Variants in AKR1B15 observed in about 807,000 individuals in gnomAD.
AKR1B15 encodes aldo-keto reductase family 1 member B15.
A neutral mutation model predicts 38.5 loss-of-function variants in AKR1B15; 49 were observed. The ratio of observed to expected loss-of-function variants is 1.27; its 90% CI spans 1.01 to 1.62. AKR1B15 has a LOEUF of 1.62. Ranked by LOEUF, AKR1B15 falls within the 40% of genes most tolerant of loss-of-function variation. AKR1B15 has a pLI of 0.00. For synonymous variants in AKR1B15, 137 were observed against 135.5 expected, an observed-to-expected ratio of 1.01 and a Z score of -0.08; for missense variants, 411 against 381.6, an observed-to-expected ratio of 1.08 and a Z score of -0.64.
At chr7:134,569,610 A>C in intron 5 of AKR1B15, 81 bp downstream of exon 5, 1 of 1,389,734 alleles carries the variant, frequency 7.2e-7, no homozygotes, top group Non-Finnish European at 1.0e-6. Context: ...AGACTGGCTG[A>C]AGCCATGGCA....
At chr7:134,560,769 A>G (rs1015716469) in intron 2 of AKR1B15, among the ~76,000 whole-genome samples, 4 of 152,198 alleles carry the variant, frequency 2.6e-5, no homozygotes, top group African/African-American at 9.6e-5. Flanking sequence ...AACCAAAAGT[A>G]CCACGAAAGA....
At chr7:134,560,895 A>T (rs1794367595) in intron 2 of AKR1B15, among the ~76,000 whole-genome samples, 1 of 152,318 alleles carries the variant, frequency 6.6e-6, no homozygotes, top group South Asian at 2.1e-4. Flanking sequence ...TTCGTGATTG[A>T]TCTTTGGAGC....
intron 2 of AKR1B15, among the ~76,000 whole-genome samples, chr7:134,562,065 C>G (rs1794409897): frequency 1.3e-5 from 2 of 152,114 alleles, no homozygotes; most frequent in African/African-American, 4.8e-5. Context: ...CTCACTGCAA[C>G]TTCCACCTCC....
At chr7:134,554,759 G>A (rs988450788) in intron 1 of AKR1B15, among the ~76,000 whole-genome samples, 1 of 152,150 alleles carries the variant, frequency 6.6e-6, no homozygotes, top group Admixed American at 6.5e-5. Flanking sequence ...CACCAAAAAC[G>A]AAACTGCTAC....
intron 3 of AKR1B15, 141 bp downstream of exon 3, chr7:134,564,910 T>G: frequency 2.0e-6 from 1 of 509,152 alleles, no homozygotes; most frequent in Non-Finnish European, 3.5e-6. Flanking sequence ...GCTAGAGGAT[T>G]GTAAATGCAC....
chr7:134,567,830 T>C (rs1016815668), intron 3 of AKR1B15, among the ~76,000 whole-genome samples: 2 of 152,214 alleles, frequency 1.3e-5, no homozygotes, highest in Non-Finnish European at 2.9e-5. Flanking sequence ...TTAGCTAGGA[T>C]AGGACAAAAG....
In AKR1B15 at chr7:134,568,331, C is replaced by T. The variant is rs770750822; in HGVS notation, c.318+6C>T. ...ACCTGTTCATCGTCAGCAAGGTGCA[C>T]ATGGCGCATTTGGTGGGAGGCCTTC... On this transcript the variant is annotated splice_donor_region_variant and intron_variant, in intron 4 of 11. Coordinates refer to ENST00000457545, the MANE Select transcript of AKR1B15 (RefSeq NM_001080538.3). 5.6e-5 allele frequency: 91 copies of T among 1,613,394 alleles called. 1 individual carries two copies. The East Asian group carries it at 1.9e-3, about 33-fold the overall frequency.
intron 2 of AKR1B15, among the ~76,000 whole-genome samples, chr7:134,557,955 A>ACC (rs200107094): frequency 2.1e-5 from 2 of 96,408 alleles, no homozygotes; most frequent in Admixed American, 9.0e-5. Context: ...TCCTACTGTA[A>ACC]CCCGTTTTCT....
chr7:134,577,218 C>T (rs1017930010), intron 10 of AKR1B15, among the ~76,000 whole-genome samples, 172 bp downstream of exon 10: 1 of 152,174 alleles, frequency 6.6e-6, no homozygotes, highest in African/African-American at 2.4e-5. Context: ...GATGAATGAC[C>T]CATGGGCTAA....
In AKR1B15 at chr7:134,575,825, A is replaced by C. The variant is rs1194197666; in HGVS notation, c.641A>C (p.Glu214Ala). 1 of 1,613,628 alleles carries C rather than the reference A, an allele frequency of 6.2e-7. No individual in the cohort carries two copies. Among genetic ancestry groups the C allele is most frequent in the Non-Finnish European group, 8.5e-7 (1 of 1,179,802 alleles). The change falls in exon 8 of 12, where the codon GAG becomes GCG. Residue 214 changes from glutamate (E) to alanine (A), a missense_variant. Coordinates refer to ENST00000457545, the MANE Select transcript of AKR1B15 (RefSeq NM_001080538.3). ...GAGGATTGTTTGCTGTTGCAGGTTG[A>C]GTGTCACCCATACCTCACGCAGGAG... ...LKYKPVTNQV[E>A]CHPYLTQEKL...
Position 134,549,166 on chromosome 7 carries a change from C to G in AKR1B15, c.-230C>G, listed in dbSNP as rs1019683469. On this transcript the variant is annotated 5_prime_UTR_variant, in exon 1 of 12. Coordinates refer to ENST00000457545, the MANE Select transcript of AKR1B15 (RefSeq NM_001080538.3). ...AGACGTTCCAGGGCTCCACAGGCCA[C>G]TGTCTTCTGGAGGGGAACGGATCGA... 7 of 152,492 alleles carry G rather than the reference C, an allele frequency of 4.6e-5. No individual in the cohort carries two copies. The highest frequency in any genetic ancestry group is 1.7e-4 in the African/African-American group (7 of 41,442). The allele number at this position is 152,492 out of a possible 1,614,324, so 9.4% of individuals were successfully genotyped here. A position where few individuals can be genotyped will look rare whatever the true frequency, so the allele number is the denominator to read the frequency against.
intron 1 of AKR1B15, among the ~76,000 whole-genome samples, chr7:134,551,565 G>T (rs1041591293): frequency 2.6e-5 from 4 of 152,148 alleles, no homozygotes; most frequent in African/African-American, 9.7e-5. Flanking sequence ...TTTAGAGATA[G>T]CCCAGAGAGT....
At position 134,568,156 on chromosome 7, in the gene AKR1B15, A is replaced by G. The variant is rs369738819; in HGVS notation, c.151-2A>G. ...GTGATGGGCTTTTCTTTTGCTTTTC[A>G]GTCTCTTCTCGGCAAAGTGAAAGAA... On this transcript the variant is annotated splice_acceptor_variant, in intron 3 of 11. Coordinates refer to ENST00000457545, the MANE Select transcript of AKR1B15 (RefSeq NM_001080538.3). LOFTEE classifies it high-confidence loss of function. The G allele has an allele frequency of 1.9e-6, 3 of 1,613,846 alleles. No homozygotes were observed. Among genetic ancestry groups the G allele is most frequent in the South Asian group, 1.1e-5 (1 of 91,080 alleles).
chr7:134,560,094 C>T (rs1276551055), intron 2 of AKR1B15, among the ~76,000 whole-genome samples: 2 of 146,758 alleles, frequency 1.4e-5, no homozygotes, highest in East Asian at 2.0e-4. Context: ...GGTGACAGAG[C>T]GAGACTCCAC....
intron 1 of AKR1B15, among the ~76,000 whole-genome samples, chr7:134,552,392 A>G (rs1024446362): frequency 2.2e-4 from 33 of 152,114 alleles, no homozygotes; most frequent in Non-Finnish European, 4.3e-4. Context: ...CATACCTCCC[A>G]GGACTGGCAA....
Position 134,578,213 on chromosome 7 carries a change from G to A in AKR1B15, c.992+427G>A, listed in dbSNP as rs532866334. On this transcript the variant is annotated intron_variant, in intron 11 of 11. Coordinates refer to ENST00000457545, the MANE Select transcript of AKR1B15 (RefSeq NM_001080538.3). Reference sequence around the variant, plus strand: ...CAACTCAAAATATTGATGTCAGACAGCAACAAATGCTAGACAGAAAAGTAA... The same window carrying A: ...CAACTCAAAATATTGATGTCAGACAACAACAAATGCTAGACAGAAAAGTAA... 8.1e-4 allele frequency among the ~76,000 whole-genome samples: 123 copies of A among 152,304 alleles called. 1 individual carries two copies. The highest frequency in any genetic ancestry group is 6.0e-3 in the Admixed American group (92 of 15,304).
At chr7:134,553,539 G>T (rs1207961682) in intron 1 of AKR1B15, among the ~76,000 whole-genome samples, 1 of 152,218 alleles carries the variant, frequency 6.6e-6, no homozygotes, top group African/African-American at 2.4e-5. Context: ...CCAGGTCCAG[G>T]AGGCTGATAA....
intron 1 of AKR1B15, among the ~76,000 whole-genome samples, chr7:134,553,081 T>G (rs890777755): frequency 1.3e-5 from 2 of 152,054 alleles, no homozygotes; most frequent in African/African-American, 2.4e-5. Context: ...ATTTCCTACC[T>G]AGGGTATGAG....
chr7:134,569,466 C>A lies in AKR1B15; in HGVS notation c.372C>A (p.Thr124=), dbSNP rs1794618985. ...RPLVRKAFEK[T]LKDLKLSYLD... ...TTGTGAGGAAAGCCTTTGAGAAGACCCTCAAGGACCTGAAGCTGAGCTATC... is the reference window on the plus strand; with the variant it reads ...TTGTGAGGAAAGCCTTTGAGAAGACACTCAAGGACCTGAAGCTGAGCTATC... The change falls in exon 5 of 12, where the codon ACC becomes ACA. Residue 124 remains threonine, a synonymous_variant. Coordinates refer to ENST00000457545, the MANE Select transcript of AKR1B15 (RefSeq NM_001080538.3). 6.2e-7 allele frequency: 1 copy of A among 1,613,880 alleles called. No homozygotes were observed. The highest frequency in any genetic ancestry group is 1.3e-5 in the African/African-American group (1 of 74,886).
Sources: gnomAD v4.1 joint callset for allele counts (sites outside exome capture counted in the v4.1 genomes callset) on GRCh38, gnomAD v4.1.1 for gene constraint, MANE v1.5 for transcripts, NCBI Gene and HGNC (gene_info 2026-07-23, HGNC 2026-07-21) for gene names.